ANXA13: variants seen among roughly 807,000 people sequenced by gnomAD.
ANXA13 encodes annexin XIII.
ANXA13 carries 36 observed loss-of-function variants against 46.6 expected under a neutral mutation model. The observed-to-expected ratio is 0.77, with a 90% CI of 0.59 to 1.02. The LOEUF is 1.02. Ranked by LOEUF, ANXA13 falls within the 50% of genes least tolerant of loss-of-function variation. ANXA13 has a pLI of 0.00. For synonymous variants in ANXA13, 163 were observed against 152.9 expected (o/e 1.07, Z -0.49); for missense variants, 417 against 396.5 (o/e 1.05, Z -0.44).
chr8:123,716,035 CAT>C (rs1161569061), intron 1 of ANXA13, among the ~76,000 whole-genome samples: 61 of 152,162 alleles, frequency 4.0e-4, no homozygotes, highest in African/African-American at 1.4e-3. Flanking sequence ...AGTGTTGAGT[CAT>C]GTGCTATGAA....
intron 2 of ANXA13, among the ~76,000 whole-genome samples, chr8:123,709,155 T>A (rs1250725859): frequency 1.3e-5 from 2 of 152,182 alleles, no homozygotes; most frequent in Non-Finnish European, 2.9e-5. Flanking sequence ...TTGTGCAGAT[T>A]TTGGATCCCA....
In ANXA13 at chr8:123,698,394, T is replaced by G. The variant is rs1184105890; in HGVS notation, c.352A>C (p.Asn118His). The change falls in exon 4 of 11, where the codon AAT becomes CAT. Residue 118 changes from asparagine to histidine, a missense_variant. Physicochemically the swap from Asn to His is moderately conservative, Grantham distance 68. Coordinates refer to ENST00000419625, the MANE Select transcript of ANXA13 (RefSeq NM_004306.4). Reference protein sequence around the residue: ...VLIEVLCTRTNKEIIAIKEAY... With the variant: ...VLIEVLCTRTHKEIIAIKEAY... ...CGGGCTCAGCTGGGACTGACCTTAT[T>G]GGTCCTCGTGCACAGGACCTCAATG... 1 of 1,614,026 alleles carries G rather than the reference T, an allele frequency of 6.2e-7. No homozygotes were observed. The highest frequency in any genetic ancestry group is 8.5e-7 in the Non-Finnish European group (1 of 1,179,924).
intron 1 of ANXA13, among the ~76,000 whole-genome samples, chr8:123,731,030 G>T (rs777950493): frequency 1.4e-4 from 22 of 152,302 alleles, no homozygotes; most frequent in Non-Finnish European, 2.8e-4. Context: ...GCCCCAGCCT[G>T]GGCATGGGAA....
At chr8:123,715,641 C>A (rs1813746388) in intron 1 of ANXA13, among the ~76,000 whole-genome samples, 1 of 152,222 alleles carries the variant, frequency 6.6e-6, no homozygotes, top group African/African-American at 2.4e-5. Context: ...TGGGGCAGAA[C>A]TGAGCTGGGG....
chr8:123,735,351 G>T (rs1266331753), intron 1 of ANXA13, among the ~76,000 whole-genome samples: 1 of 152,148 alleles, frequency 6.6e-6, no homozygotes, highest in Non-Finnish European at 1.5e-5. Context: ...ACTTTCTAAT[G>T]CAAATAAGTT....
chr8:123,681,620 T>A (rs1028032255), intron 10 of ANXA13, among the ~76,000 whole-genome samples: 1 of 33,512 alleles, frequency 3.0e-5, no homozygotes. Context: ...CTTGAATTTC[T>A]TTTTTTTTTT....
At chr8:123,691,876 A>C (rs1813249778) in intron 8 of ANXA13, among the ~76,000 whole-genome samples, 1 of 152,164 alleles carries the variant, frequency 6.6e-6, no homozygotes, top group South Asian at 2.1e-4. Context: ...TCAGGTAGTC[A>C]GTTCATACAC....
At chr8:123,702,378 G>GA (rs145103357) in intron 3 of ANXA13, among the ~76,000 whole-genome samples, 3,168 of 151,900 alleles carry the variant, frequency 0.021, 119 homozygotes, top group African/African-American at 0.071. Context: ...CCAATTAAGT[G>GA]AAAAAAAGAC....
intron 1 of ANXA13, among the ~76,000 whole-genome samples, chr8:123,730,497 A>G (rs189697305): frequency 1.2e-3 from 184 of 152,182 alleles, no homozygotes; most frequent in Non-Finnish European, 2.0e-3. Context: ...ATAAAATCTA[A>G]TTTCCTTAGT....
chr8:123,735,731 T>C, intron 1 of ANXA13: 3 of 1,601,176 alleles, frequency 1.9e-6, no homozygotes, highest in Non-Finnish European at 2.6e-6. Flanking sequence ...TACCTATGAT[T>C]TGGGGGGAAA....
chr8:123,684,184 T>A (rs1813094068), intron 10 of ANXA13, among the ~76,000 whole-genome samples: 1 of 152,258 alleles, frequency 6.6e-6, no homozygotes, highest in African/African-American at 2.4e-5. Flanking sequence ...CTTATGCTGA[T>A]GTGCTTGCTT....
intron 9 of ANXA13, 26 bp from the exon 10 acceptor site, chr8:123,684,748 T>A: frequency 6.5e-7 from 1 of 1,545,284 alleles, no homozygotes; most frequent in Non-Finnish European, 8.9e-7. Context: ...GAAAAGAGAA[T>A]GTGAGGCTTT....
intron 4 of ANXA13, among the ~76,000 whole-genome samples, chr8:123,696,099 A>G (rs1813331677): frequency 1.3e-5 from 2 of 152,038 alleles, no homozygotes; most frequent in South Asian, 4.2e-4. Context: ...TCAGAAAGAT[A>G]CACAGATTTT....
chr8:123,698,838 A>G (rs1315017756), intron 3 of ANXA13, among the ~76,000 whole-genome samples: 2 of 152,240 alleles, frequency 1.3e-5, no homozygotes, highest in Non-Finnish European at 2.9e-5. Context: ...TTGAGAGCTC[A>G]GAGAGCTTTT....
intron 1 of ANXA13, among the ~76,000 whole-genome samples, chr8:123,730,191 T>C (rs1814087711): frequency 6.6e-6 from 1 of 152,166 alleles, no homozygotes. Flanking sequence ...CATGTTTCTC[T>C]CCAAGCCCTT....
chr8:123,694,177 T>C (rs554131296), intron 6 of ANXA13, among the ~76,000 whole-genome samples: 64 of 152,258 alleles, frequency 4.2e-4, no homozygotes, highest in African/African-American at 1.5e-3. Context: ...CTTGAGCCCT[T>C]TGTGGTGGGC....
intron 1 of ANXA13, among the ~76,000 whole-genome samples, chr8:123,730,322 C>G (rs1291562273): frequency 6.6e-6 from 1 of 152,182 alleles, no homozygotes; most frequent in African/African-American, 2.4e-5. Flanking sequence ...AGTTCCTAGA[C>G]CAGCAGTACC....
intron 9 of ANXA13, 79 bp from the exon 10 acceptor site, chr8:123,684,801 T>A: frequency 1.9e-6 from 2 of 1,029,746 alleles, no homozygotes; most frequent in East Asian, 4.8e-5. Flanking sequence ...AAATGTCACC[T>A]GGCTGCCCTT....
At position 123,695,721 on chromosome 8, in the gene ANXA13, C is replaced by T; in HGVS notation, c.358G>A (p.Glu120Lys). 1 of 1,612,498 alleles carries T rather than the reference C, an allele frequency of 6.2e-7. No homozygotes were observed. The highest frequency in any genetic ancestry group is 1.1e-5 in the South Asian group (1 of 90,946). Reference protein sequence around the residue: ...IEVLCTRTNKEIIAIKEAYQR... With the variant: ...IEVLCTRTNKKIIAIKEAYQR... ...TAGGCCTCTTTAATGGCGATGATTT[C>T]CTAGGGAAGGTAATTTACAAAAAAA... The change falls in exon 5 of 11, where the codon GAA becomes AAA. Residue 120 changes from glutamate (E) to lysine (K), a missense_variant and splice_region_variant. Physicochemically the swap from Glu to Lys is moderately conservative, Grantham distance 56. Coordinates refer to ENST00000419625, the MANE Select transcript of ANXA13 (RefSeq NM_004306.4).
Sources: gnomAD v4.1 joint callset for allele counts (sites outside exome capture counted in the v4.1 genomes callset) on GRCh38, gnomAD v4.1.1 for gene constraint, MANE v1.5 for transcripts, NCBI Gene and HGNC (gene_info 2026-07-23, HGNC 2026-07-21) for gene names.